METTL3: variants seen among roughly 807,000 people sequenced by gnomAD.
The protein encoded by METTL3 is N(6)-adenosine-methyltransferase catalytic subunit METTL3.
A neutral mutation model predicts 64.3 loss-of-function variants in METTL3; 42 were observed. The ratio of observed to expected loss-of-function variants is 0.65; its 90% CI spans 0.51 to 0.84. The LOEUF (loss-of-function observed/expected upper bound fraction) is 0.84. METTL3 is among the 40% of genes least tolerant of loss of function. The pLI is 0.00. For missense variants in METTL3, 435 were observed against 722.3 expected (o/e 0.60, Z 4.56); for synonymous variants, 256 against 263.6 (o/e 0.97, Z 0.28).
At chr14:21,508,934 C>G (rs10450907) in intron 1 of METTL3, among the ~76,000 whole-genome samples, 39,175 of 152,098 alleles carry the variant, frequency 0.26, 5,253 homozygotes, top group Middle Eastern at 0.33. Flanking sequence ...CAATTAAAAC[C>G]AAGAAACAAC....
chr14:21,507,043 AGGCTGT>A (rs1270688370), intron 1 of METTL3, among the ~76,000 whole-genome samples: 2 of 151,994 alleles, frequency 1.3e-5, no homozygotes, highest in African/African-American at 4.8e-5. Flanking sequence ...AGCCTTCCAA[AGGCTGT>A]GGACACCTGT....
At chr14:21,499,829 T>C in intron 6 of METTL3, 27 bp from the exon 7 acceptor site, 8 of 1,608,296 alleles carry the variant, frequency 5.0e-6, no homozygotes, top group Non-Finnish European at 6.8e-6. Context: ...TAAACAACTA[T>C]TTGTATGCCC....
At chr14:21,498,952 A>G in intron 10 of METTL3, 73 bp downstream of exon 10, 1 of 1,003,160 alleles carries the variant, frequency 1.0e-6, no homozygotes, top group Non-Finnish European at 1.6e-6. Context: ...AACAATGTGA[A>G]GCTCTACTAA....
chr14:21,503,514 A>G lies in METTL3; in HGVS notation c.382T>C (p.Leu128=). 1 of 1,611,778 alleles carries G rather than the reference A, an allele frequency of 6.2e-7. No homozygotes were observed. The highest frequency in any genetic ancestry group is 8.5e-7 in the Non-Finnish European group (1 of 1,179,970). ...AGGAGACCTCGCTTTACCTCAATCAACTCCTGAGCTGCAAACTTCTGCAGG... is the reference window on the plus strand; with the variant it reads ...AGGAGACCTCGCTTTACCTCAATCAGCTCCTGAGCTGCAAACTTCTGCAGG... ...SLLQKFAAQE[L]IEVKRGLLQD... The change falls in exon 3 of 11, where the codon TTG becomes CTG. Residue 128 remains leucine (L), a synonymous_variant. Transcript: ENST00000298717.
At chr14:21,508,745 T>C (rs1439292342) in intron 1 of METTL3, among the ~76,000 whole-genome samples, 3 of 151,784 alleles carry the variant, frequency 2.0e-5, no homozygotes, top group Non-Finnish European at 4.4e-5. Context: ...AAATACAAAA[T>C]TAGCCAGGAG....
chr14:21,511,290 C>G lies in METTL3; in HGVS notation c.-67G>C. ...GGACTAGCACCTCCCAGCACTCGCT[C>G]CAGGATATAGCCAATTCTCACGCGG... On this transcript the variant is annotated 5_prime_UTR_variant, in exon 1 of 11. Coordinates refer to ENST00000298717, the MANE Select transcript of METTL3 (RefSeq NM_019852.5). 6.4e-7 allele frequency: 1 copy of G among 1,557,586 alleles called. No individual in the cohort carries two copies. Among genetic ancestry groups the G allele is most frequent in the Non-Finnish European group, 8.7e-7 (1 of 1,151,344 alleles).
chr14:21,500,477 G>C lies in METTL3; in HGVS notation c.1304+18C>G. On this transcript the variant is annotated intron_variant, in intron 6 of 10. Transcript: ENST00000298717. ...TTGTACTGTATCTGTCCATACCTAC[G>C]TAACTGAATTGCATTACCTGCCTGT... 6.2e-7 allele frequency: 1 copy of C among 1,613,786 alleles called. No individual in the cohort carries two copies. Among genetic ancestry groups the C allele is most frequent in the Non-Finnish European group, 8.5e-7 (1 of 1,179,726 alleles).
Position 21,503,790 on chromosome 14 carries a change from G to A in METTL3, c.192C>T (p.Ser64=). The part of the protein sequence containing the change: ...TAPTSGGPKP[S]TASAVPELAT... ...CTAATTCAGGAACTGCTGAAGCTGT[G>A]CTGGGCTTAGGGCCACCAGAGGTGG... Residue 64 remains serine, a synonymous_variant, in exon 2 of 11, where the codon AGC becomes AGT. Transcript: ENST00000298717. 1.2e-6 allele frequency: 2 copies of A among 1,614,254 alleles called. No homozygotes were observed. Among genetic ancestry groups the A allele is most frequent in the Non-Finnish European group, 8.5e-7 (1 of 1,180,058 alleles).
intron 1 of METTL3, among the ~76,000 whole-genome samples, chr14:21,508,914 T>C (rs767260382): frequency 1.1e-4 from 16 of 151,940 alleles, no homozygotes; most frequent in Non-Finnish European, 1.9e-4. Flanking sequence ...TAAATAAGTA[T>C]GATGAGGAAC....
intron 1 of METTL3, among the ~76,000 whole-genome samples, chr14:21,506,335 C>T (rs936177972): frequency 6.6e-6 from 1 of 151,816 alleles, no homozygotes; most frequent in Non-Finnish European, 1.5e-5. Flanking sequence ...GGGCAGATCA[C>T]GAGGTCAGGA....
At chr14:21,509,472 G>C (rs1246218645) in intron 1 of METTL3, 1 of 152,186 alleles carries the variant, frequency 6.6e-6, no homozygotes, top group Non-Finnish European at 1.5e-5. Context: ...GGCTGGATAT[G>C]GTGGCTCTCA....
At chr14:21,505,538 G>A (rs57684186) in intron 1 of METTL3, among the ~76,000 whole-genome samples, 2,128 of 152,190 alleles carry the variant, frequency 0.014, 46 homozygotes, top group African/African-American at 0.048. Flanking sequence ...CCTTTTTTAA[G>A]GTTATCAGGA....
Position 21,503,828 on chromosome 14 carries a change from C to A in METTL3, c.154G>T (p.Val52Leu). ...LSPTFRSDSPVPTAPTSGGPK... is the reference protein window; with the variant it reads ...LSPTFRSDSPLPTAPTSGGPK... ...CCACCAGAGGTGGGTGCAGTAGGCA[C>A]TGGGCTGTCACTACGGAAGGTTGGA... Residue 52 changes from valine to leucine, a missense_variant, in exon 2 of 11, where the codon GTG becomes TTG. Val to Leu is a conservative substitution (Grantham distance 32). This residue lies in a region of METTL3 where 228 missense variants were observed against 279.6 expected (regional missense o/e 0.82). Transcript: ENST00000298717. 6.2e-7 allele frequency: 1 copy of A among 1,614,240 alleles called. No homozygotes were observed. Among genetic ancestry groups the A allele is most frequent in the Admixed American group, 1.7e-5 (1 of 60,030 alleles).
At chr14:21,503,137 G>C (rs1374211653) in intron 3 of METTL3, 36 bp downstream of exon 3, 2 of 1,565,618 alleles carry the variant, frequency 1.3e-6, no homozygotes, top group Admixed American at 1.8e-5. Flanking sequence ...CTATAATTAA[G>C]AGCATATTGT....
chr14:21,498,819 G>A (rs1011728032), intron 10 of METTL3: 3 of 556,846 alleles, frequency 5.4e-6, no homozygotes, highest in Admixed American at 6.3e-5. Flanking sequence ...CTAGGGAGCA[G>A]TGCTTTTGGG....
chr14:21,500,517 GA>G lies in METTL3; in HGVS notation c.1281del (p.Leu428SerfsTer17). On this transcript the variant is annotated frameshift_variant, in exon 6 of 11. Transcript: ENST00000298717. LOFTEE classifies it high-confidence loss of function. ...LNIPVLQDDG[F>X]LFLWVTGRAM... ...TACCTGCCTGTGACCCAGAGGAAGA[GA>G]AAGCCATCATCCTGTAGTACGGGTA... The G allele has an allele frequency of 1.2e-6, 2 of 1,614,146 alleles. No individual in the cohort carries two copies. The highest frequency in any genetic ancestry group is 1.7e-6 in the Non-Finnish European group (2 of 1,180,040).
rs1043429822 is a variant in METTL3, at chr14:21,510,798, C to T, written c.100+326G>A. On this transcript the variant is annotated intron_variant, in intron 1 of 10. Coordinates refer to ENST00000298717, the MANE Select transcript of METTL3 (RefSeq NM_019852.5). ...AAGCAGCAACAAAAAGGGGTTCTTG[C>T]TGCTTCGCGGGATAGGGGGCTGAGC... 23 of 279,476 alleles carry T rather than the reference C, an allele frequency of 8.2e-5. No homozygotes were observed. In the Middle Eastern group the frequency reaches 3.3e-3, roughly 40 times the overall value. The allele number at this position is 279,476 out of a possible 1,614,324, so 17.3% of individuals were successfully genotyped here. A position where few individuals can be genotyped will look rare whatever the true frequency, so the allele number is the denominator to read the frequency against.
At chr14:21,498,991 C>T (rs1891485554) in intron 10 of METTL3, 34 bp downstream of exon 10, 2 of 1,414,842 alleles carry the variant, frequency 1.4e-6, no homozygotes, top group African/African-American at 1.4e-5. Flanking sequence ...AATAATAGCC[C>T]CTTGAGGACT....
chr14:21,498,794 AAG>A (rs528813846), intron 10 of METTL3: 11 of 523,958 alleles, frequency 2.1e-5, no homozygotes, highest in South Asian at 9.7e-5. Context: ...TTGGGTTGTG[AAG>A]AGAGTAGAAA....
Sources: gnomAD v4.1 joint callset for allele counts (sites outside exome capture counted in the v4.1 genomes callset) on GRCh38, gnomAD v4.1.1 for gene constraint, gnomAD v4.1.1 regional missense constraint, MANE v1.5 for transcripts, NCBI Gene and HGNC (gene_info 2026-07-23, HGNC 2026-07-21) for gene names.